Variants in CDK5RAP3 observed in about 807,000 individuals in gnomAD.
CDK5RAP3 encodes CDK5 regulatory subunit-associated protein 3.
Under a neutral mutation model 73.3 loss-of-function variants are expected in CDK5RAP3, and 58 were observed. The observed-to-expected ratio is 0.79, with a 90% confidence interval of 0.64 to 0.98. CDK5RAP3 has a LOEUF of 0.98. Among genes scored for constraint, CDK5RAP3 ranks in the 50% least tolerant of loss-of-function variants. The probability of loss-of-function intolerance (pLI) is 0.00; values close to 1 mark genes in which losing one functional copy is unlikely to be tolerated. For synonymous variants in CDK5RAP3, 224 were observed against 247.5 expected (o/e 0.91, Z 0.89); for missense variants, 525 against 615.8 (o/e 0.85, Z 1.56).
Position 47,975,210 on chromosome 17 carries a change from T to C in CDK5RAP3, c.386T>C (p.Leu129Pro). Residue 129 changes from leucine (L) to proline (P), a missense_variant, in exon 6 of 14, where the codon CTG (leucine) becomes CCG (proline). Around this residue, in one of 2 missense-constraint regions of CDK5RAP3, gnomAD observed 409 missense variants for 429.8 expected, o/e 0.95. Coordinates refer to ENST00000338399, the MANE Select transcript of CDK5RAP3 (RefSeq NM_176096.3). ...VRNVNYEIPS[L>P]KKQIAKCQQL... Reference sequence around the variant, plus strand: ...AATGTCAACTATGAGATCCCCTCACTGAAGAAGCAGATTGCCAAGTGCCAG... The same window carrying C: ...AATGTCAACTATGAGATCCCCTCACCGAAGAAGCAGATTGCCAAGTGCCAG... 6.2e-7 allele frequency: 1 copy of C among 1,614,172 alleles called. No individual in the cohort carries two copies. The highest frequency in any genetic ancestry group is 2.2e-5 in the East Asian group (1 of 44,880).
At chr17:47,971,081 G>C, upstream of CDK5RAP3, 1 of 1,551,120 alleles carries the variant, frequency 6.4e-7, no homozygotes, top group Non-Finnish European at 8.7e-7. Context: ...CGGCCACAAC[G>C]CCACTGGATT....
intron 2 of CDK5RAP3, 47 bp downstream of exon 2, chr17:47,971,454 T>C (rs1355988221): frequency 6.6e-7 from 1 of 1,525,248 alleles, no homozygotes; most frequent in Non-Finnish European, 8.9e-7. Context: ...GGGAGGCCTG[T>C]GCGTTGCCCC....
Position 47,974,260 on chromosome 17 carries a change from A to C in CDK5RAP3, c.286-140A>C. ...CACTCTTAAAGTGGGTGGTCCAGCC[A>C]GCAGAGTTGAAAGAAGGACAAGGAG... On this transcript the variant is annotated intron_variant, in intron 4 of 13. Coordinates refer to ENST00000338399, the MANE Select transcript of CDK5RAP3 (RefSeq NM_176096.3). 3.5e-6 allele frequency: 3 copies of C among 851,898 alleles called. No homozygotes were observed. The South Asian group carries it at 4.5e-5, about 13-fold the overall frequency. The allele number at this position is 851,898 out of a possible 1,614,324, so 52.8% of individuals were successfully genotyped here.
chr17:47,977,351 A>T (rs946084011), intron 9 of CDK5RAP3, among the ~76,000 whole-genome samples: 1 of 151,710 alleles, frequency 6.6e-6, no homozygotes, highest in African/African-American at 2.4e-5. Flanking sequence ...GGGTTTCACC[A>T]TGTTAGCCAG....
intron 2 of CDK5RAP3, 99 bp from the exon 3 acceptor site, chr17:47,973,420 G>C (rs2036314041): frequency 2.1e-6 from 3 of 1,427,316 alleles, no homozygotes; most frequent in Non-Finnish European, 2.9e-6. Context: ...CCAATGTAAA[G>C]AAAACTTTTA....
upstream of CDK5RAP3, chr17:47,970,806 C>A: frequency 7.0e-7 from 1 of 1,435,940 alleles, no homozygotes; most frequent in Non-Finnish European, 9.4e-7. Flanking sequence ...CAGTGCCCGC[C>A]AGGGGAAGCG....
chr17:47,976,607 A>G (rs988990835), intron 8 of CDK5RAP3, 105 bp from the exon 9 acceptor site: 1 of 759,068 alleles, frequency 1.3e-6, no homozygotes, highest in Non-Finnish European at 2.3e-6. Context: ...CAAGCAATCC[A>G]CTATCCTCGG....
At chr17:47,970,402 G>A, upstream of CDK5RAP3, 1 of 476,728 alleles carries the variant, frequency 2.1e-6, no homozygotes, top group Non-Finnish European at 3.8e-6. Flanking sequence ...TACGTTGCCC[G>A]TCCTGCCTGC....
chr17:47,979,776 C>T (rs906623488), intron 11 of CDK5RAP3: 2 of 152,228 alleles, frequency 1.3e-5, no homozygotes, highest in Non-Finnish European at 2.9e-5. Context: ...GGAGAGCCTC[C>T]TGAAAGTTCT....
intron 6 of CDK5RAP3, 22 bp downstream of exon 6, chr17:47,975,359 G>A (rs114871157): frequency 3.4e-5 from 54 of 1,611,360 alleles, no homozygotes; most frequent in African/African-American, 2.1e-4. Flanking sequence ...CAGCCTCTTC[G>A]CAGCCAGAGG....
intron 1 of CDK5RAP3, 39 bp from the exon 2 acceptor site, chr17:47,971,323 C>T (rs1190700026): frequency 6.3e-7 from 1 of 1,598,706 alleles, no homozygotes; most frequent in South Asian, 1.1e-5. Flanking sequence ...CGTCCTCTCT[C>T]CGCGCTCACG....
chr17:47,980,142 G>A, intron 11 of CDK5RAP3: 1 of 194,906 alleles, frequency 5.1e-6, no homozygotes, highest in South Asian at 8.7e-5. Flanking sequence ...CTCTCCTAGC[G>A]CTTACAGTGT....
At chr17:47,970,837 A>G (rs2144206363), upstream of CDK5RAP3, 1 of 1,411,830 alleles carries the variant, frequency 7.1e-7, no homozygotes, top group Non-Finnish European at 9.5e-7. Flanking sequence ...TGGGCTCTCG[A>G]GCGCCGCCTG....
intron 6 of CDK5RAP3, 38 bp from the exon 7 acceptor site, chr17:47,975,476 T>G (rs746469111): frequency 6.2e-7 from 1 of 1,609,654 alleles, no homozygotes. Context: ...GGATGTTTTC[T>G]TCAATCTGTT....
intron 5 of CDK5RAP3, 185 bp downstream of exon 5, chr17:47,974,633 G>T: frequency 7.1e-7 from 1 of 1,415,682 alleles, no homozygotes; most frequent in Non-Finnish European, 9.2e-7. Context: ...GTGGAGTGCT[G>T]GGGGAAGGAG....
At chr17:47,978,587 C>T (rs1042019230) in intron 10 of CDK5RAP3, 5 of 507,802 alleles carry the variant, frequency 9.8e-6, no homozygotes, top group Non-Finnish European at 1.8e-5. Flanking sequence ...GAGCAGAGAG[C>T]CGGCCTTTCT....
At chr17:47,974,058 A>T in intron 4 of CDK5RAP3, 27 bp downstream of exon 4, 1 of 1,519,298 alleles carries the variant, frequency 6.6e-7, no homozygotes, top group Non-Finnish European at 9.1e-7. Context: ...GGCCGGTAGT[A>T]TGTGGTTGGG....
At chr17:47,979,413 A>T (rs1431376463) in intron 11 of CDK5RAP3, 1 of 154,532 alleles carries the variant, frequency 6.5e-6, no homozygotes, top group Non-Finnish European at 1.4e-5. Flanking sequence ...AGGGCTTCCC[A>T]GGCAGAGAGA....
chr17:47,976,684 T>G (rs879184064), intron 8 of CDK5RAP3, 28 bp from the exon 9 acceptor site: 534 of 1,488,486 alleles, frequency 3.6e-4, no homozygotes, highest in Non-Finnish European at 4.6e-4. Flanking sequence ...CCATCTTCCA[T>G]GAGCTAACAC....
Sources: allele counts gnomAD v4.1 joint callset (sites outside exome capture counted in the v4.1 genomes callset), GRCh38; gene constraint gnomAD v4.1.1; regional missense constraint gnomAD v4.1.1; transcripts MANE v1.5; gene names NCBI Gene and HGNC (gene_info 2026-07-23, HGNC 2026-07-21).